GPC6: variants seen among roughly 807,000 people sequenced by gnomAD.
The protein encoded by GPC6 is glypican 6.
Under a neutral mutation model 55.2 loss-of-function variants are expected in GPC6, and 14 were observed. That is an observed-to-expected ratio of 0.25 (90% CI 0.17 to 0.40). The LOEUF is 0.40. Ranked by LOEUF, GPC6 falls within the 10% of genes least tolerant of loss-of-function variation. The pLI is 1.00. For synonymous variants in GPC6, 278 were observed against 259.6 expected (o/e 1.07, Z -0.68); for missense variants, 641 against 708.5 (o/e 0.90, Z 1.08).
At chr13:93,825,352 A>G (rs1044822257) in intron 2 of GPC6, among the ~76,000 whole-genome samples, 29 of 152,348 alleles carry the variant, frequency 1.9e-4, no homozygotes, top group African/African-American at 6.3e-4. Context: ...AAATGAGCAC[A>G]GTGCTGAAGT....
chr13:93,490,526 T>TA (rs1555304766), intron 1 of GPC6, among the ~76,000 whole-genome samples: 4 of 145,572 alleles, frequency 2.7e-5, no homozygotes, highest in South Asian at 4.4e-4. Context: ...TTTTTTTTTT[T>TA]TTATTATTAT....
chr13:94,107,130 A>G (rs1000554712), intron 4 of GPC6, among the ~76,000 whole-genome samples: 10 of 152,300 alleles, frequency 6.6e-5, no homozygotes, highest in African/African-American at 2.4e-4. Context: ...GAGGACTCTC[A>G]GCTCAGAGGA....
At chr13:93,832,124 T>TATATATAC (rs1281352247) in intron 3 of GPC6, among the ~76,000 whole-genome samples, 2 of 56,726 alleles carry the variant, frequency 3.5e-5, no homozygotes, top group African/African-American at 1.3e-4. Context: ...AAAAAAAAAA[T>TATATATAC]ATATATATAT....
intron 6 of GPC6, among the ~76,000 whole-genome samples, chr13:94,377,954 C>A (rs959735771): frequency 6.6e-6 from 1 of 152,074 alleles, no homozygotes; most frequent in Non-Finnish European, 1.5e-5. Flanking sequence ...GAACAAAAAA[C>A]CAAACACCGC....
At chr13:93,279,331 T>C (rs1877869132) in intron 1 of GPC6, among the ~76,000 whole-genome samples, 1 of 152,148 alleles carries the variant, frequency 6.6e-6, no homozygotes. Context: ...TGTTCTGGAG[T>C]TAACAGATAT....
intron 3 of GPC6, among the ~76,000 whole-genome samples, chr13:93,921,256 C>G (rs968224494): frequency 6.6e-6 from 1 of 152,114 alleles, no homozygotes; most frequent in Non-Finnish European, 1.5e-5. Context: ...CTTTTTGGCT[C>G]CGGCCCCACA....
intron 5 of GPC6, 74 bp downstream of exon 5, chr13:94,286,553 A>T: frequency 7.4e-7 from 1 of 1,346,630 alleles, no homozygotes; most frequent in Non-Finnish European, 1.1e-6. Context: ...CGAAGTAACT[A>T]GATATGTCGG....
chr13:93,697,662 C>A (rs180775617), intron 2 of GPC6, among the ~76,000 whole-genome samples: 1 of 152,050 alleles, frequency 6.6e-6, no homozygotes, highest in East Asian at 1.9e-4. Flanking sequence ...TTTGTCCATA[C>A]GTTAGTTCCA....
intron 4 of GPC6, among the ~76,000 whole-genome samples, chr13:94,094,732 T>G (rs1367047306): frequency 6.6e-6 from 1 of 152,182 alleles, no homozygotes; most frequent in East Asian, 1.9e-4. Context: ...TAATCAGAGC[T>G]CTGTGTCACT....
intron 7 of GPC6, among the ~76,000 whole-genome samples, chr13:94,385,768 C>T (rs1880374196): frequency 6.6e-6 from 1 of 151,946 alleles, no homozygotes; most frequent in Non-Finnish European, 1.5e-5. Flanking sequence ...ATTAATTCAT[C>T]TAGAAAAACA....
intron 5 of GPC6, among the ~76,000 whole-genome samples, chr13:94,295,763 T>A (rs1391259829): frequency 6.6e-6 from 1 of 152,184 alleles, no homozygotes; most frequent in Non-Finnish European, 1.5e-5. Context: ...GGTTGTTTGG[T>A]CCCTTCTGCC....
At chr13:93,236,975 G>C (rs1181864099) in intron 1 of GPC6, among the ~76,000 whole-genome samples, 1 of 152,038 alleles carries the variant, frequency 6.6e-6, no homozygotes, top group Admixed American at 6.5e-5. Flanking sequence ...TTGTTTCATG[G>C]GCACTTAGGT....
At chr13:93,217,402 C>A in the GPC6 span, among the ~76,000 whole-genome samples, 145,467 of 152,308 alleles carry the variant, frequency 0.96, 69,815 homozygotes, top group East Asian at 1. Flanking sequence ...TTTGCACAGT[C>A]TAAAGTATTT....
intron 1 of GPC6, among the ~76,000 whole-genome samples, chr13:93,448,463 T>C (rs1317437330): frequency 6.6e-6 from 1 of 152,208 alleles, no homozygotes; most frequent in African/African-American, 2.4e-5. Flanking sequence ...CATTAAGTGA[T>C]GTATGACTAC....
chr13:93,340,171 A>T (rs1880202325), intron 1 of GPC6, among the ~76,000 whole-genome samples: 1 of 151,348 alleles, frequency 6.6e-6, no homozygotes, highest in Non-Finnish European at 1.5e-5. Context: ...AGTAGCTGGG[A>T]CTACAGGCGC....
rs1879738607 is a variant in GPC6 at position 94,374,422 on chromosome 13, C to A, written c.1153-7992C>A. ...AAGGCAGGGGTTGCAATCCTAGTCTCTGATAAAACAGACTTTAAACCAACA... is the reference window on the plus strand; with the variant it reads ...AAGGCAGGGGTTGCAATCCTAGTCTATGATAAAACAGACTTTAAACCAACA... On this transcript the variant is annotated intron_variant, in intron 6 of 8. Coordinates refer to ENST00000377047, the MANE Select transcript of GPC6 (RefSeq NM_005708.5). Among the ~76,000 whole-genome samples the A allele has an allele frequency of 2.7e-5, 4 of 148,888 alleles. No homozygotes were observed. The South Asian group carries it at 9.0e-4, about 33-fold the overall frequency.
chr13:94,312,720 GCA>G lies in GPC6; in HGVS notation c.1152+6618_1152+6619del, dbSNP rs200990954. 5.6e-4 allele frequency among the ~76,000 whole-genome samples: 76 copies of G among 135,936 alleles called. 1 individual carries two copies. Among genetic ancestry groups the G allele is most frequent in the South Asian group, 1.9e-3 (9 of 4,620 alleles). 89.2% of individuals were successfully genotyped at this position (135,936 alleles called of 152,430 possible). ...CGAAGACACACACGCACACGCGCAC[GCA>G]CACACACACACACACACACATGCAC... On this transcript the variant is annotated intron_variant, in intron 6 of 8. Coordinates refer to ENST00000377047, the MANE Select transcript of GPC6 (RefSeq NM_005708.5).
At chr13:93,838,808 G>T (rs1163769061) in intron 3 of GPC6, among the ~76,000 whole-genome samples, 1 of 152,150 alleles carries the variant, frequency 6.6e-6, no homozygotes, top group South Asian at 2.1e-4. Context: ...ACGATGCATA[G>T]TTTAGGGCCC....
intron 4 of GPC6, among the ~76,000 whole-genome samples, chr13:94,282,302 G>A (rs1170253754): frequency 2.6e-5 from 4 of 152,124 alleles, no homozygotes; most frequent in Non-Finnish European, 4.4e-5. Flanking sequence ...AGAAGGGGAA[G>A]CAAACATGTC....
Sources: allele counts gnomAD v4.1 joint callset (sites outside exome capture counted in the v4.1 genomes callset), GRCh38; gene constraint gnomAD v4.1.1; transcripts MANE v1.5; gene names NCBI Gene and HGNC (gene_info 2026-07-23, HGNC 2026-07-21).